KIAA1671: variants seen among roughly 807,000 people sequenced by gnomAD.
KIAA1671 encodes the protein uncharacterized protein KIAA1671.
Under a neutral mutation model 131.2 loss-of-function variants are expected in KIAA1671, and 52 were observed. That is an observed-to-expected ratio of 0.40 (90% CI 0.32 to 0.50). KIAA1671 has a LOEUF of 0.50. Ranked by LOEUF, KIAA1671 falls within the 20% of genes least tolerant of loss-of-function variation. The pLI, the probability that KIAA1671 is intolerant of heterozygous loss-of-function variation, is 0.73. For synonymous variants in KIAA1671, 1,003 were observed against 961.6 expected (o/e 1.04, Z -0.80); for missense variants, 2,360 against 2,364.2 (o/e 1.00, Z 0.04).
In KIAA1671 at chr22:24,999,718, A is replaced by C. The variant is rs147994709; in HGVS notation, c.-207-25915A>C. Among the ~76,000 whole-genome samples, 820 of 148,090 alleles carry C rather than the reference A, an allele frequency of 5.5e-3. 3 individuals carry two copies. The highest frequency in any genetic ancestry group is 8.2e-3 in the Non-Finnish European group (553 of 67,304). ...GCTGGGACTACAGGCATGCACCACT[A>C]TGCCTGGCTAACTGTTCAGTTTTTT... On this transcript the variant is annotated intron_variant, in intron 1 of 12. Coordinates refer to ENST00000358431, the MANE Select transcript of KIAA1671 (RefSeq NM_001145206.2).
chr22:25,133,052 TCAAAAA>T (rs1932513642), intron 6 of KIAA1671, among the ~76,000 whole-genome samples: 1 of 23,748 alleles, frequency 4.2e-5, no homozygotes, highest in African/African-American at 2.1e-4. Context: ...AGACTCCATC[TCAAAAA>T]AAAAAAAAAA....
At chr22:25,068,193 C>CGGCCTTCCT (rs1469162925) in intron 6 of KIAA1671, among the ~76,000 whole-genome samples, 1 of 148,354 alleles carries the variant, frequency 6.7e-6, no homozygotes, top group African/African-American at 2.5e-5. Flanking sequence ...GGAGCAGGGC[C>CGGCCTTCCT]AGCCTTCCGA....
At chr22:25,158,010 A>G (rs1933303735) in intron 6 of KIAA1671, among the ~76,000 whole-genome samples, 2 of 151,930 alleles carry the variant, frequency 1.3e-5, no homozygotes. Flanking sequence ...TTTACTAGAG[A>G]TGGGGTTTCA....
At chr22:25,170,326 A>G (rs1456610787) in intron 6 of KIAA1671, among the ~76,000 whole-genome samples, 2 of 152,212 alleles carry the variant, frequency 1.3e-5, no homozygotes, top group Non-Finnish European at 1.5e-5. Flanking sequence ...TCTCATGTCA[A>G]GAGCTCAGCC....
intron 6 of KIAA1671, among the ~76,000 whole-genome samples, chr22:25,096,505 T>C (rs1258755446): frequency 6.6e-6 from 1 of 152,186 alleles, no homozygotes; most frequent in African/African-American, 2.4e-5. Flanking sequence ...CTGTTGCCCG[T>C]CCGCTGGTCT....
chr22:24,988,348 A>C (rs1923664548), intron 1 of KIAA1671, among the ~76,000 whole-genome samples: 1 of 151,074 alleles, frequency 6.6e-6, no homozygotes, highest in Non-Finnish European at 1.5e-5. Flanking sequence ...TGTTATTTTT[A>C]GGGTATCTCT....
At chr22:25,167,242 C>T (rs186934518) in intron 6 of KIAA1671, among the ~76,000 whole-genome samples, 9 of 152,336 alleles carry the variant, frequency 5.9e-5, no homozygotes, top group Admixed American at 1.3e-4. Flanking sequence ...ATGTGCTGCC[C>T]GTAGGCTTGG....
At chr22:25,164,978 CGTGTGTGTGTGTGTGTGTGTGT>C in intron 6 of KIAA1671, among the ~76,000 whole-genome samples, 1 of 116,608 alleles carries the variant, frequency 8.6e-6, no homozygotes, top group South Asian at 3.4e-4. Flanking sequence ...GAGTTGCAGG[CGTGTGTGTGTGTGTGTGTGTGT>C]GTGTGTGTGT....
chr22:25,197,380 T>C lies in KIAA1671; in HGVS notation c.*4979T>C, dbSNP rs2146068042. 1 of 152,360 alleles carries C rather than the reference T, an allele frequency of 6.6e-6. No homozygotes were observed. The highest frequency in any genetic ancestry group is 2.1e-4 in the South Asian group (1 of 4,830). The allele number at this position is 152,360 out of a possible 1,614,324, so 9.4% of individuals were successfully genotyped here. ...GCAATAAAACAAGATGACCTTTGCATGTACAAAGATGTTGCATTCAGACTA... is the reference window on the plus strand; with the variant it reads ...GCAATAAAACAAGATGACCTTTGCACGTACAAAGATGTTGCATTCAGACTA... On this transcript the variant is annotated 3_prime_UTR_variant, in exon 13 of 13. Coordinates refer to ENST00000358431, the MANE Select transcript of KIAA1671 (RefSeq NM_001145206.2).
At chr22:25,091,075 T>G (rs1262366323) in intron 6 of KIAA1671, among the ~76,000 whole-genome samples, 2 of 152,146 alleles carry the variant, frequency 1.3e-5, no homozygotes, top group Middle Eastern at 3.2e-3. Flanking sequence ...CATTTTTTTT[T>G]GAGATGGAGT....
intron 6 of KIAA1671, among the ~76,000 whole-genome samples, chr22:25,077,525 T>C (rs1929177157): frequency 6.6e-6 from 1 of 152,226 alleles, no homozygotes; most frequent in Non-Finnish European, 1.5e-5. Flanking sequence ...AGGCTTCCTC[T>C]ACTCCAGCCT....
chr22:24,973,260 G>T (rs1469332128), intron 1 of KIAA1671, among the ~76,000 whole-genome samples: 1 of 152,152 alleles, frequency 6.6e-6, no homozygotes, highest in East Asian at 1.9e-4. Context: ...GAGGCCCGGA[G>T]GCCAGTGAGG....
intron 6 of KIAA1671, among the ~76,000 whole-genome samples, chr22:25,097,536 G>A (rs111605922): frequency 1.3e-5 from 2 of 151,974 alleles, no homozygotes; most frequent in Non-Finnish European, 2.9e-5. Context: ...GTCAGGAGAT[G>A]GAGACCATCC....
At chr22:25,107,463 A>G (rs1041606409) in intron 6 of KIAA1671, among the ~76,000 whole-genome samples, 48 of 117,512 alleles carry the variant, frequency 4.1e-4, no homozygotes, top group Admixed American at 2.0e-3. Flanking sequence ...CCATCCATCC[A>G]TGGCACTTTT....
At chr22:25,123,826 T>C (rs1932057766) in intron 6 of KIAA1671, among the ~76,000 whole-genome samples, 1 of 152,178 alleles carries the variant, frequency 6.6e-6, no homozygotes. Flanking sequence ...ATAATAAATG[T>C]TTGTTGTTTC....
intron 1 of KIAA1671, among the ~76,000 whole-genome samples, chr22:24,973,389 G>GTTTTTTTTTTTTTTTTTT (rs57519039): frequency 1.4e-5 from 1 of 71,648 alleles, no homozygotes; most frequent in African/African-American, 5.6e-5. Context: ...GCATATGATG[G>GTTTTTTTTTTTTTTTTTT]TTTTTTTTTT....
intron 10 of KIAA1671, among the ~76,000 whole-genome samples, chr22:25,183,426 T>TTCTCTCCC (rs1934357716): frequency 9.0e-6 from 1 of 110,908 alleles, no homozygotes; most frequent in Non-Finnish European, 1.8e-5. Context: ...CTGACTTTCT[T>TTCTCTCCC]TCCCTCCCTC....
At chr22:25,104,333 C>T (rs994903978) in intron 6 of KIAA1671, among the ~76,000 whole-genome samples, 11 of 152,128 alleles carry the variant, frequency 7.2e-5, no homozygotes, top group African/African-American at 2.7e-4. Flanking sequence ...GATGCACAGT[C>T]CTGGAATGTC....
chr22:25,095,892 A>G (rs1465587668), intron 6 of KIAA1671, among the ~76,000 whole-genome samples: 2 of 152,120 alleles, frequency 1.3e-5, no homozygotes, highest in Non-Finnish European at 2.9e-5. Context: ...TGTAGCCAAG[A>G]TAAAAAATTT....
Sources: gnomAD v4.1 joint callset for allele counts (sites outside exome capture counted in the v4.1 genomes callset) on GRCh38, gnomAD v4.1.1 for gene constraint, MANE v1.5 for transcripts, NCBI Gene and HGNC (gene_info 2026-07-23, HGNC 2026-07-21) for gene names.